The following GALNTL6 variants were observed in gnomAD, a reference collection of about 807,000 sequenced individuals.
GALNTL6 encodes polypeptide N-acetylgalactosaminyltransferase like 6, also known as polypeptide N-acetylgalactosaminyltransferase-like 6.
Under a neutral mutation model 73.7 loss-of-function variants are expected in GALNTL6, and 46 were observed. The ratio of observed to expected loss-of-function variants is 0.62; its 90% CI spans 0.49 to 0.80. The LOEUF is 0.80. Ranked by LOEUF, GALNTL6 falls within the 30% of genes least tolerant of loss-of-function variation. The pLI, the probability that GALNTL6 is intolerant of heterozygous loss-of-function variation, is 0.00. For synonymous variants in GALNTL6, 259 were observed against 263.7 expected, an observed-to-expected ratio of 0.98 and a Z score of 0.17; for missense variants, 604 against 755.0, an observed-to-expected ratio of 0.80 and a Z score of 2.34.
intron 5 of GALNTL6, among the ~76,000 whole-genome samples, chr4:172,452,288 CAT>C (rs1208639115): frequency 2.6e-5 from 4 of 151,856 alleles, no homozygotes; most frequent in Admixed American, 6.6e-5. Flanking sequence ...GACACACACA[CAT>C]ACACGTATTT....
chr4:172,362,404 T>C (rs778641040), intron 5 of GALNTL6, among the ~76,000 whole-genome samples: 1 of 152,168 alleles, frequency 6.6e-6, no homozygotes, highest in Non-Finnish European at 1.5e-5. Context: ...TTTAATGTAA[T>C]AATTTAATAT....
intron 2 of GALNTL6, among the ~76,000 whole-genome samples, chr4:171,912,746 ACCAC>A (rs1737512350): frequency 6.6e-6 from 1 of 151,836 alleles, no homozygotes; most frequent in Non-Finnish European, 1.5e-5. Context: ...TCTACCCTTT[ACCAC>A]CATGAGATCC....
chr4:172,271,356 A>G (rs1163709645), intron 3 of GALNTL6, among the ~76,000 whole-genome samples: 1 of 152,204 alleles, frequency 6.6e-6, no homozygotes, highest in Non-Finnish European at 1.5e-5. Context: ...ATGTTTACAT[A>G]TAGACACACA....
At chr4:172,744,258 C>A (rs1400616496) in intron 5 of GALNTL6, among the ~76,000 whole-genome samples, 1 of 152,030 alleles carries the variant, frequency 6.6e-6, no homozygotes, top group African/African-American at 2.4e-5. Flanking sequence ...TTTGGGTCCC[C>A]AGAAATTAGG....
intron 2 of GALNTL6, among the ~76,000 whole-genome samples, chr4:172,017,921 T>C (rs968200608): frequency 6.6e-6 from 1 of 151,606 alleles, no homozygotes; most frequent in Non-Finnish European, 1.5e-5. Flanking sequence ...AGGGGAGTGA[T>C]GTAGACTCTG....
chr4:172,717,741 C>T (rs540167043), intron 5 of GALNTL6, among the ~76,000 whole-genome samples: 125 of 152,266 alleles, frequency 8.2e-4, no homozygotes, highest in African/African-American at 2.9e-3. Flanking sequence ...AAGTGACTTA[C>T]TAAATGGTAT....
At position 172,012,175 on chromosome 4, in the gene GALNTL6, G is replaced by A. The variant is rs576061677; in HGVS notation, c.138+197457G>A. 1.4e-4 allele frequency among the ~76,000 whole-genome samples: 22 copies of A among 152,156 alleles called. No individual in the cohort carries two copies. In the South Asian group the frequency reaches 4.1e-3, roughly 29 times the overall value. On this transcript the variant is annotated intron_variant, in intron 2 of 12. Transcript: ENST00000506823. ...TGACATCCCCCAAAGCCCACCGTAG[G>A]GACTTGCTCCTTTGTCTTCTCCTGC...
intron 2 of GALNTL6, among the ~76,000 whole-genome samples, chr4:171,966,428 A>G (rs898640232): frequency 1.3e-5 from 2 of 152,146 alleles, no homozygotes; most frequent in African/African-American, 4.8e-5. Context: ...GGCTTTGGCA[A>G]TTCAATATGG....
intron 3 of GALNTL6, among the ~76,000 whole-genome samples, chr4:172,250,832 A>G (rs1181568039): frequency 6.6e-6 from 1 of 152,188 alleles, no homozygotes; most frequent in Non-Finnish European, 1.5e-5. Context: ...GGACCTTGAT[A>G]AAAAACAGAG....
chr4:172,260,241 A>G (rs1167605478), intron 3 of GALNTL6, among the ~76,000 whole-genome samples: 1 of 151,430 alleles, frequency 6.6e-6, no homozygotes, highest in Non-Finnish European at 1.5e-5. Context: ...GGAATGTGTT[A>G]CCATTTGTTT....
intron 5 of GALNTL6, among the ~76,000 whole-genome samples, chr4:172,645,116 G>C (rs1430996747): frequency 2.0e-5 from 3 of 151,740 alleles, no homozygotes; most frequent in Non-Finnish European, 4.4e-5. Context: ...TGTTGGATTT[G>C]TCTATTACAA....
intron 5 of GALNTL6, among the ~76,000 whole-genome samples, chr4:172,716,588 C>T (rs1020896615): frequency 6.6e-6 from 1 of 152,034 alleles, no homozygotes; most frequent in African/African-American, 2.4e-5. Context: ...ATAAATATAT[C>T]CCTAGACCCA....
chr4:172,113,190 G>C (rs1298387233), intron 2 of GALNTL6, among the ~76,000 whole-genome samples: 5 of 151,878 alleles, frequency 3.3e-5, no homozygotes, highest in Admixed American at 3.3e-4. Context: ...AGCAAGAAAG[G>C]TTTTATTTCA....
In GALNTL6 at chr4:172,453,189, A is replaced by G. The variant is rs1237548733; in HGVS notation, c.553+104500A>G. ...TGCATTCCAGCCTGGGTGACAGCAC[A>G]AGACTCTGTCTCAGAAAAAAAAAAA... On this transcript the variant is annotated intron_variant, in intron 5 of 12. Coordinates refer to ENST00000506823, the MANE Select transcript of GALNTL6 (RefSeq NM_001034845.3). 1.4e-4 allele frequency among the ~76,000 whole-genome samples: 22 copies of G among 151,944 alleles called. 1 individual carries two copies. The East Asian group carries it at 4.3e-3, about 29-fold the overall frequency.
At chr4:172,135,347 C>A (rs1733607867) in intron 2 of GALNTL6, among the ~76,000 whole-genome samples, 1 of 151,932 alleles carries the variant, frequency 6.6e-6, no homozygotes, top group African/African-American at 2.4e-5. Flanking sequence ...GTACTGGATT[C>A]ATCTTCAAGA....
At chr4:172,857,376 A>T (rs1295273732) in intron 7 of GALNTL6, among the ~76,000 whole-genome samples, 1 of 152,142 alleles carries the variant, frequency 6.6e-6, no homozygotes, top group African/African-American at 2.4e-5. Context: ...CCTATGTCTC[A>T]TCCACTTAGC....
chr4:171,854,800 C>T (rs1735638684), intron 2 of GALNTL6, among the ~76,000 whole-genome samples: 1 of 152,018 alleles, frequency 6.6e-6, no homozygotes, highest in Non-Finnish European at 1.5e-5. Flanking sequence ...GGATTTAATC[C>T]CATTCATGGA....
intron 2 of GALNTL6, among the ~76,000 whole-genome samples, chr4:172,039,722 A>G (rs1428118302): frequency 6.6e-6 from 1 of 152,188 alleles, no homozygotes; most frequent in East Asian, 1.9e-4. Flanking sequence ...GCAGATGGGC[A>G]AAATGTTTAA....
At chr4:172,048,864 C>G (rs1463966904) in intron 2 of GALNTL6, among the ~76,000 whole-genome samples, 2 of 152,120 alleles carry the variant, frequency 1.3e-5, no homozygotes, top group African/African-American at 4.8e-5. Flanking sequence ...CTCAACCAGA[C>G]TTAATGTATT....
Sources: gnomAD v4.1 joint callset for allele counts (sites outside exome capture counted in the v4.1 genomes callset) on GRCh38, gnomAD v4.1.1 for gene constraint, MANE v1.5 for transcripts, NCBI Gene and HGNC (gene_info 2026-07-23, HGNC 2026-07-21) for gene names.